The following DAB1 variants were observed in gnomAD, a reference collection of about 807,000 sequenced individuals.
DAB1 encodes the protein DAB adaptor protein 1.
Under a neutral mutation model 64.6 loss-of-function variants are expected in DAB1, and 15 were observed. The observed-to-expected ratio is 0.23, with a 90% confidence interval of 0.16 to 0.36. The LOEUF is 0.36. Among genes scored for constraint, DAB1 ranks in the 10% least tolerant of loss-of-function variants. The pLI, the probability that DAB1 is intolerant of heterozygous loss-of-function variation, is 1.00. For synonymous variants in DAB1, 235 were observed against 251.9 expected, an observed-to-expected ratio of 0.93 and a Z score of 0.64; for missense variants, 596 against 706.7, an observed-to-expected ratio of 0.84 and a Z score of 1.78.
intron 2 of DAB1, among the ~76,000 whole-genome samples, chr1:57,264,231 A>C (rs990844613): frequency 3.3e-5 from 5 of 152,186 alleles, no homozygotes; most frequent in African/African-American, 4.8e-5. Context: ...TTTATTGTTC[A>C]CCTACTAGAC....
intron 1 of DAB1, among the ~76,000 whole-genome samples, chr1:57,393,321 C>A (rs1231482782): frequency 6.6e-6 from 1 of 152,034 alleles, no homozygotes; most frequent in East Asian, 1.9e-4. Context: ...TTGGTTTTTT[C>A]ACTTCAGCAT....
intron 4 of DAB1, among the ~76,000 whole-genome samples, chr1:57,088,232 G>A (rs1186622783): frequency 6.6e-6 from 1 of 152,010 alleles, no homozygotes; most frequent in South Asian, 2.1e-4. Context: ...CACCACACCT[G>A]GCTAATTTTT....
chr1:57,829,243 T>C (rs529683593), intron 1 of DAB1, among the ~76,000 whole-genome samples: 30 of 152,266 alleles, frequency 2.0e-4, no homozygotes, highest in Middle Eastern at 3.4e-3. Flanking sequence ...TAACTAACAA[T>C]TGTATTAAAA....
intron 3 of DAB1, among the ~76,000 whole-genome samples, chr1:58,404,304 C>T (rs1382804126): frequency 2.6e-5 from 4 of 152,138 alleles, no homozygotes; most frequent in Admixed American, 1.3e-4. Flanking sequence ...CACTGTGCCT[C>T]GAGGATCAGC....
chr1:57,373,423 T>C (rs1400681676), intron 1 of DAB1, among the ~76,000 whole-genome samples: 15 of 152,176 alleles, frequency 9.9e-5, no homozygotes. Context: ...CACGTGTGTG[T>C]GTATGCCTAT....
At chr1:57,469,512 C>T (rs1399594718) in intron 7 of DAB1, among the ~76,000 whole-genome samples, 1 of 152,184 alleles carries the variant, frequency 6.6e-6, no homozygotes, top group African/African-American at 2.4e-5. Flanking sequence ...TAGGTCCCAC[C>T]AACAGCCCCA....
chr1:57,391,542 C>A (rs1388109574), intron 1 of DAB1, among the ~76,000 whole-genome samples: 1 of 152,106 alleles, frequency 6.6e-6, no homozygotes, highest in Non-Finnish European at 1.5e-5. Flanking sequence ...AGAGCATGAG[C>A]CCCATATGTT....
intron 2 of DAB1, among the ~76,000 whole-genome samples, chr1:57,191,084 A>G (rs1664081022): frequency 6.6e-6 from 1 of 152,182 alleles, no homozygotes; most frequent in Non-Finnish European, 1.5e-5. Context: ...ACACGTATCT[A>G]TCTGGTGAGT....
intron 4 of DAB1, among the ~76,000 whole-genome samples, chr1:57,082,704 G>T (rs1304759295): frequency 1.3e-5 from 2 of 151,982 alleles, no homozygotes; most frequent in Non-Finnish European, 2.9e-5. Context: ...ACAGGCCCCA[G>T]TGTGTGTTGT....
At chr1:57,929,250 G>A (rs190216047) in intron 5 of DAB1, among the ~76,000 whole-genome samples, 1 of 152,310 alleles carries the variant, frequency 6.6e-6, no homozygotes, top group African/African-American at 2.4e-5. Context: ...TGAGATGTAT[G>A]TAAAGGTCTT....
intron 5 of DAB1, among the ~76,000 whole-genome samples, chr1:58,131,851 C>G (rs919081214): frequency 2.0e-5 from 3 of 149,952 alleles, no homozygotes; most frequent in Non-Finnish European, 4.4e-5. Context: ...AGAACCACTG[C>G]TCTCTTCAAA....
chr1:57,084,712 C>A (rs756449795), intron 4 of DAB1, among the ~76,000 whole-genome samples: 2 of 152,140 alleles, frequency 1.3e-5, no homozygotes, highest in African/African-American at 4.8e-5. Context: ...CTTTTCAATG[C>A]AGAATAACAA....
chr1:57,812,843 T>C (rs1439568437), intron 6 of DAB1, among the ~76,000 whole-genome samples: 1 of 152,212 alleles, frequency 6.6e-6, no homozygotes, highest in Non-Finnish European at 1.5e-5. Flanking sequence ...CAATCCCTAT[T>C]TTACAGATGA....
In DAB1 at chr1:57,557,470, GTA is replaced by G. The variant is rs533338269; in HGVS notation, n.625+92120_625+92121del. 3.0e-3 allele frequency among the ~76,000 whole-genome samples: 450 copies of G among 151,042 alleles called. 1 individual carries two copies. The highest frequency in any genetic ancestry group is 0.011 in the African/African-American group (433 of 41,196). ...TATGTATACATATATATGTGTGTGT[GTA>G]TATATATATATTTCATTAGTTCTGT... On this transcript the variant is annotated intron_variant and non_coding_transcript_variant, in intron 7 of 20. Transcript: ENST00000485760.
At chr1:57,622,118 T>G (rs971377487) in intron 7 of DAB1, among the ~76,000 whole-genome samples, 8 of 152,220 alleles carry the variant, frequency 5.3e-5, no homozygotes, top group Non-Finnish European at 5.9e-5. Flanking sequence ...TGAGTATGCA[T>G]GTTTTCAATC....
intron 1 of DAB1, among the ~76,000 whole-genome samples, chr1:57,310,882 C>T (rs868614250): frequency 1.3e-5 from 2 of 151,950 alleles, no homozygotes; most frequent in Admixed American, 6.6e-5. Context: ...CCTGTAATCC[C>T]GGCTACTTGG....
chr1:58,193,733 G>A (rs907468904), intron 4 of DAB1, among the ~76,000 whole-genome samples: 3 of 152,124 alleles, frequency 2.0e-5, no homozygotes, highest in African/African-American at 7.2e-5. Flanking sequence ...GCGCACGCCT[G>A]TAATGCCAGC....
chr1:57,383,117 G>A (rs1681519229), intron 1 of DAB1, among the ~76,000 whole-genome samples: 1 of 152,076 alleles, frequency 6.6e-6, no homozygotes, highest in African/African-American at 2.4e-5. Context: ...AAATAAGGTG[G>A]TAGTGTATAT....
intron 4 of DAB1, among the ~76,000 whole-genome samples, chr1:58,190,983 C>T (rs1657359675): frequency 6.6e-6 from 1 of 152,254 alleles, no homozygotes; most frequent in South Asian, 2.1e-4. Context: ...CTCACAGTCC[C>T]CATCCCAGGT....
Sources: allele counts gnomAD v4.1 joint callset (sites outside exome capture counted in the v4.1 genomes callset), GRCh38; gene constraint gnomAD v4.1.1; transcripts MANE v1.5; gene names NCBI Gene and HGNC (gene_info 2026-07-23, HGNC 2026-07-21).